SOHLH2: variants seen among roughly 807,000 people sequenced by gnomAD.
SOHLH2 encodes spermatogenesis- and oogenesis-specific basic helix-loop-helix-containing protein 2.
Under a neutral mutation model 50.4 loss-of-function variants are expected in SOHLH2, and 22 were observed. The observed-to-expected ratio is 0.44, with a 90% CI of 0.31 to 0.62. The LOEUF (loss-of-function observed/expected upper bound fraction) is 0.62, where lower values mean the gene tolerates loss of function less well. Among genes scored for constraint, SOHLH2 ranks in the 20% least tolerant of loss-of-function variants. The probability of loss-of-function intolerance (pLI) is 0.08; values close to 1 mark genes in which losing one functional copy is unlikely to be tolerated. For missense variants in SOHLH2, 412 were observed against 504.4 expected (o/e 0.82, Z 1.76); for synonymous variants, 185 against 187.3 (o/e 0.99, Z 0.10).
chr13:36,198,702 A>AATC (rs1887807414), intron 2 of SOHLH2, among the ~76,000 whole-genome samples: 1 of 152,242 alleles, frequency 6.6e-6, no homozygotes, highest in Non-Finnish European at 1.5e-5. Flanking sequence ...TAAATTTAAG[A>AATC]ATCTTTTAAG....
intron 2 of SOHLH2, among the ~76,000 whole-genome samples, chr13:36,196,447 A>G (rs149613827): frequency 4.5e-4 from 69 of 152,238 alleles, no homozygotes; most frequent in Non-Finnish European, 9.0e-4. Context: ...TTTTTAGGTG[A>G]TGAGAAAGTG....
intron 5 of SOHLH2, among the ~76,000 whole-genome samples, chr13:36,190,802 A>T (rs1887551735): frequency 6.6e-6 from 1 of 152,154 alleles, no homozygotes; most frequent in African/African-American, 2.4e-5. Flanking sequence ...CCAACCCCAT[A>T]TCCTAGATAA....
intron 1 of SOHLH2, among the ~76,000 whole-genome samples, chr13:36,207,929 G>T (rs1295723565): frequency 6.6e-6 from 1 of 152,144 alleles, no homozygotes; most frequent in Admixed American, 6.5e-5. Flanking sequence ...GTTCACCTTG[G>T]TCGCTTGGTT....
rs374125788 is a variant in SOHLH2 at position 36,203,342 on chromosome 13, G to A, written c.49-1249C>T. On this transcript the variant is annotated intron_variant, in intron 1 of 10. Coordinates refer to ENST00000379881, the MANE Select transcript of SOHLH2 (RefSeq NM_017826.3). ...CTGGGAACATTCTCATTTTCCAGGC[G>A]GTTATAGATTTATTCTCATAAAAAT... is the stretch of plus-strand genomic sequence containing the variant. Among the ~76,000 whole-genome samples the A allele has an allele frequency of 2.0e-4, 30 of 152,228 alleles. No individual in the cohort carries two copies. The East Asian group carries it at 4.8e-3, about 24-fold the overall frequency.
At chr13:36,194,796 C>G (rs1348744762) in intron 2 of SOHLH2, among the ~76,000 whole-genome samples, 2 of 152,106 alleles carry the variant, frequency 1.3e-5, no homozygotes, top group African/African-American at 4.8e-5. Context: ...GCAAACTATT[C>G]TCAAATACTT....
At chr13:36,171,742 T>C (rs1184982265) in intron 9 of SOHLH2, among the ~76,000 whole-genome samples, 1 of 152,166 alleles carries the variant, frequency 6.6e-6, no homozygotes, top group Non-Finnish European at 1.5e-5. Context: ...CTCCCCAAAC[T>C]GCAAATGCTA....
chr13:36,169,064 A>AG lies in SOHLH2; in HGVS notation c.1258-11dup, dbSNP rs781365187. 1.3e-5 allele frequency: 21 copies of AG among 1,606,582 alleles called. No homozygotes were observed. The highest frequency in any genetic ancestry group is 2.7e-5 in the African/African-American group (2 of 74,632). Reference sequence around the variant, plus strand: ...ACGCCCAAAACTGTTGCTGCAAAGAAGGGGGAAAAACCCACATTAATTGAA... The same window carrying AG: ...ACGCCCAAAACTGTTGCTGCAAAGAAGGGGGGAAAAACCCACATTAATTGAA... On this transcript the variant is annotated splice_polypyrimidine_tract_variant and intron_variant, in intron 10 of 10. Coordinates refer to ENST00000379881, the MANE Select transcript of SOHLH2 (RefSeq NM_017826.3).
intron 1 of SOHLH2, among the ~76,000 whole-genome samples, chr13:36,207,997 T>G (rs567952797): frequency 9.2e-5 from 14 of 152,240 alleles, no homozygotes; most frequent in African/African-American, 3.1e-4. Flanking sequence ...CTTTCCACAT[T>G]CTTGTTTTCA....
chr13:36,210,820 T>C (rs1368246131), intron 1 of SOHLH2, among the ~76,000 whole-genome samples: 5 of 151,922 alleles, frequency 3.3e-5, no homozygotes, highest in African/African-American at 1.2e-4. Context: ...CACAACACTT[T>C]TAAATGAGCT....
intron 1 of SOHLH2, among the ~76,000 whole-genome samples, chr13:36,210,999 G>A (rs1258602076): frequency 2.6e-5 from 4 of 152,128 alleles, no homozygotes; most frequent in African/African-American, 9.7e-5. Flanking sequence ...ACCATAGCAT[G>A]TGATTTCTTC....
At chr13:36,174,666 T>G in intron 7 of SOHLH2, 56 bp downstream of exon 7, 11 of 1,596,736 alleles carry the variant, frequency 6.9e-6, no homozygotes, top group Non-Finnish European at 9.4e-6. Context: ...GAAGTAAAAT[T>G]GTAGTATTAA....
At chr13:36,174,412 T>TTTAG in intron 8 of SOHLH2, 64 bp downstream of exon 8, 1 of 1,599,598 alleles carries the variant, frequency 6.3e-7, no homozygotes, top group South Asian at 1.1e-5. Flanking sequence ...TGTGTACATA[T>TTTAG]TTAGCATCAA....
At chr13:36,198,342 A>G (rs750792031) in intron 2 of SOHLH2, among the ~76,000 whole-genome samples, 1 of 152,232 alleles carries the variant, frequency 6.6e-6, no homozygotes, top group Admixed American at 6.5e-5. Flanking sequence ...GATAAGTATC[A>G]GGATGTGTCT....
intron 1 of SOHLH2, among the ~76,000 whole-genome samples, chr13:36,214,040 ATTTTT>A (rs774440035): frequency 2.1e-5 from 3 of 139,624 alleles, no homozygotes; most frequent in East Asian, 2.2e-4. Flanking sequence ...AAGGGCTAAG[ATTTTT>A]TTTTTTTTTT....
At chr13:36,199,829 CA>C (rs1403583698) in intron 2 of SOHLH2, among the ~76,000 whole-genome samples, 1 of 152,150 alleles carries the variant, frequency 6.6e-6, no homozygotes, top group Non-Finnish European at 1.5e-5. Context: ...TGAGCAAATG[CA>C]AAGCTTTACT....
At chr13:36,211,356 C>T (rs929115782) in intron 1 of SOHLH2, among the ~76,000 whole-genome samples, 1 of 152,140 alleles carries the variant, frequency 6.6e-6, no homozygotes, top group Non-Finnish European at 1.5e-5. Context: ...CTTAAATATG[C>T]TTGATGTTTA....
chr13:36,173,160 T>C (rs12860103), intron 9 of SOHLH2, among the ~76,000 whole-genome samples: 22,202 of 152,134 alleles, frequency 0.15, 2,221 homozygotes, highest in Non-Finnish European at 0.21. Context: ...AATACAGCAA[T>C]GAATAAAACC....
chr13:36,176,790 G>T (rs536606729), intron 6 of SOHLH2, among the ~76,000 whole-genome samples: 1 of 152,040 alleles, frequency 6.6e-6, no homozygotes, highest in Non-Finnish European at 1.5e-5. Context: ...TATTATATAT[G>T]TGTCATCCCA....
At chr13:36,188,682 T>C (rs1197298761) in intron 6 of SOHLH2, among the ~76,000 whole-genome samples, 1 of 152,328 alleles carries the variant, frequency 6.6e-6, no homozygotes, top group East Asian at 1.9e-4. Context: ...TCAATACCAC[T>C]GCCTCTTGGT....
Sources: gnomAD v4.1 joint callset for allele counts (sites outside exome capture counted in the v4.1 genomes callset) on GRCh38, gnomAD v4.1.1 for gene constraint, MANE v1.5 for transcripts, NCBI Gene and HGNC (gene_info 2026-07-23, HGNC 2026-07-21) for gene names.